The following ATP1A1 variants were observed in gnomAD, a reference collection of about 807,000 sequenced individuals.
The protein encoded by ATP1A1 is ATPase Na+/K+ transporting subunit alpha 1.
Under a neutral mutation model 114.8 loss-of-function variants are expected in ATP1A1, and 14 were observed. That is an observed-to-expected ratio of 0.12 (90% confidence interval 0.08 to 0.19). The LOEUF (loss-of-function observed/expected upper bound fraction) is 0.19, where lower values mean the gene tolerates loss of function less well. ATP1A1 is among the 10% of genes least tolerant of loss of function. The pLI is 1.00. For missense variants in ATP1A1, 524 were observed against 1,290.7 expected, an observed-to-expected ratio of 0.41 and a Z score of 9.10; for synonymous variants, 471 against 466.3, an observed-to-expected ratio of 1.01 and a Z score of -0.13.
chr1:116,385,358 G>A lies in ATP1A1; in HGVS notation c.183+516G>A, dbSNP rs1652015279. 6.3e-6 allele frequency: 1 copy of A among 158,192 alleles called. No homozygotes were observed. The highest frequency in any genetic ancestry group is 1.4e-5 in the Non-Finnish European group (1 of 72,462). The allele number at this position is 158,192 out of a possible 1,614,324, so 9.8% of individuals were successfully genotyped here. On this transcript the variant is annotated intron_variant, in intron 3 of 22. Transcript: ENST00000295598. This position sits in a 1 kb window ranked among gnomAD's most constrained non-coding sequence, Gnocchi z 4.3. ...AACCTTTTCATAAAATAGGCGTTAT[G>A]TATCCTTGTTATGTAGAGGATTTTG...
At chr1:116,396,494 T>C in intron 13 of ATP1A1, 104 bp from the exon 14 acceptor site, 5 of 1,418,420 alleles carry the variant, frequency 3.5e-6, no homozygotes, top group Non-Finnish European at 4.8e-6. Flanking sequence ...CTTTTGATAG[T>C]CTAAGCCGAA....
Position 116,395,931 on chromosome 1 carries a change from TAAGTA to T in ATP1A1, c.1836+650_1836+654del, listed in dbSNP as rs1652878371. On this transcript the variant is annotated intron_variant, in intron 13 of 22. Transcript: ENST00000295598. This position sits in a 1 kb window ranked among gnomAD's most constrained non-coding sequence, Gnocchi z 6.4. ...CACGCCCAGCTAATTTTTGTATTTT[TAAGTA>T]AAGATAGGGTTTCGCCACGTTGGCC... Among the ~76,000 whole-genome samples the T allele has an allele frequency of 6.6e-6, 1 of 152,042 alleles. No homozygotes were observed.
At chr1:116,402,808 C>T (rs1385582653) in intron 21 of ATP1A1, among the ~76,000 whole-genome samples, 1 of 152,200 alleles carries the variant, frequency 6.6e-6, no homozygotes, top group Non-Finnish European at 1.5e-5. Flanking sequence ...TGCACTTGCA[C>T]CTCTTCTCTG....
At chr1:116,375,865 T>C (rs1651334708) in intron 1 of ATP1A1, among the ~76,000 whole-genome samples, 1 of 152,252 alleles carries the variant, frequency 6.6e-6, no homozygotes, top group South Asian at 2.1e-4. Context: ...CTCTCCTCAG[T>C]ACCCTTTGTG....
At position 116,395,549 on chromosome 1, in the gene ATP1A1, G is replaced by A. The variant is rs1447321690; in HGVS notation, c.1836+264G>A. Among the ~76,000 whole-genome samples, 1 of 152,202 alleles carries A rather than the reference G, an allele frequency of 6.6e-6. No individual in the cohort carries two copies. The highest frequency in any genetic ancestry group is 1.5e-5 in the Non-Finnish European group (1 of 68,040). ...GCAAAGTAAAAACAGCAAAAGACTT[G>A]AAGTTTTAAAATACTTGCATTATTC... On this transcript the variant is annotated intron_variant, in intron 13 of 22. Transcript: ENST00000295598. The surrounding 1 kb of genome is among the most constrained non-coding windows in gnomAD (Gnocchi z 6.4).
At position 116,404,711 on chromosome 1, in the gene ATP1A1, A is replaced by G; in HGVS notation, c.*267A>G. 4 of 1,261,450 alleles carry G rather than the reference A, an allele frequency of 3.2e-6. No homozygotes were observed. The highest frequency in any genetic ancestry group is 4.0e-6 in the Non-Finnish European group (4 of 1,006,954). 78.1% of individuals were successfully genotyped at this position (1,261,450 alleles called of 1,614,324 possible). A position where few individuals can be genotyped will look rare whatever the true frequency, so the allele number is the denominator to read the frequency against. On this transcript the variant is annotated 3_prime_UTR_variant, in exon 23 of 23. Transcript: ENST00000295598. This position sits in a 1 kb window ranked among gnomAD's most constrained non-coding sequence, Gnocchi z 4.8. ...GTTTTTGTAAAAAAGGAACACCCGG[A>G]AAGACTGAAAGAATACATTTTATAT... is the stretch of plus-strand genomic sequence containing the variant.
In ATP1A1 at chr1:116,401,459, C is replaced by G; in HGVS notation, c.2850-95C>G. On this transcript the variant is annotated intron_variant, in intron 20 of 22. Coordinates refer to ENST00000295598, the MANE Select transcript of ATP1A1 (RefSeq NM_000701.8). The surrounding 1 kb of genome is among the most constrained non-coding windows in gnomAD (Gnocchi z 4.7). ...TCCAAGTTTTCAAGTACAGCTAATA[C>G]ATAAAGATGTTGATCTGCCATTTTA... 1 of 1,439,780 alleles carries G rather than the reference C, an allele frequency of 6.9e-7. No individual in the cohort carries two copies. The highest frequency in any genetic ancestry group is 9.7e-7 in the Non-Finnish European group (1 of 1,036,152). 89.2% of individuals were successfully genotyped at this position (1,439,780 alleles called of 1,614,324 possible). A position where few individuals can be genotyped will look rare whatever the true frequency, so the allele number is the denominator to read the frequency against.
At chr1:116,386,549 AT>A (rs959338846) in intron 3 of ATP1A1, among the ~76,000 whole-genome samples, 66 of 149,920 alleles carry the variant, frequency 4.4e-4, no homozygotes, top group African/African-American at 5.9e-4. Context: ...AAAATATTTT[AT>A]TTTTTTTTTG....
chr1:116,382,764 G>C (rs1651829475), intron 1 of ATP1A1, among the ~76,000 whole-genome samples: 1 of 152,122 alleles, frequency 6.6e-6, no homozygotes, highest in Non-Finnish European at 1.5e-5. Context: ...TTTCATTTCA[G>C]CACAGTGAAA....
In ATP1A1 at chr1:116,398,997, C is replaced by T. The variant is rs944570753; in HGVS notation, c.2361C>T (p.Ile787=). The T allele has an allele frequency of 6.2e-7, 1 of 1,614,192 alleles. No individual in the cohort carries two copies. Among genetic ancestry groups the T allele is most frequent in the Non-Finnish European group, 8.5e-7 (1 of 1,180,008 alleles). ...AYTLTSNIPE[I]TPFLIFIIAN... ...CCTTAACCAGTAACATTCCCGAGATCACCCCGTTCCTGATATTTATTATTG... is the reference window on the plus strand; with the variant it reads ...CCTTAACCAGTAACATTCCCGAGATTACCCCGTTCCTGATATTTATTATTG... Residue 787 remains isoleucine (I), a synonymous_variant, in exon 17 of 23, where the codon ATC becomes ATT. Coordinates refer to ENST00000295598, the MANE Select transcript of ATP1A1 (RefSeq NM_000701.8). The surrounding 1 kb of genome is among the most constrained non-coding windows in gnomAD (Gnocchi z 6.1).
At chr1:116,392,644 G>A (rs1260089229) in intron 10 of ATP1A1, 4 of 483,918 alleles carry the variant, frequency 8.3e-6, no homozygotes, top group Non-Finnish European at 1.4e-5. Context: ...GGTGGGGAAG[G>A]ACGTTGGGGT....
Position 116,401,471 on chromosome 1 carries a change from G to T in ATP1A1, c.2850-83G>T. 6.8e-7 allele frequency: 1 copy of T among 1,474,230 alleles called. No homozygotes were observed. Among genetic ancestry groups the T allele is most frequent in the Non-Finnish European group, 9.4e-7 (1 of 1,062,878 alleles). 91.3% of individuals were successfully genotyped at this position (1,474,230 alleles called of 1,614,324 possible). On this transcript the variant is annotated intron_variant, in intron 20 of 22. Coordinates refer to ENST00000295598, the MANE Select transcript of ATP1A1 (RefSeq NM_000701.8). This position sits in a 1 kb window ranked among gnomAD's most constrained non-coding sequence, Gnocchi z 4.7. Reference sequence around the variant, plus strand: ...AGTACAGCTAATACATAAAGATGTTGATCTGCCATTTTAATGCATAGCATT... The same window carrying T: ...AGTACAGCTAATACATAAAGATGTTTATCTGCCATTTTAATGCATAGCATT...
rs1652200722 is a variant in ATP1A1 at position 116,387,815 on chromosome 1, C to G, written c.388-316C>G. Among the ~76,000 whole-genome samples the G allele has an allele frequency of 6.6e-6, 1 of 152,182 alleles. No homozygotes were observed. The highest frequency in any genetic ancestry group is 1.5e-5 in the Non-Finnish European group (1 of 68,036). ...ATTCATGTTGGCACATCCACCTGTCCAGAAATGCTTGGTGGCCATTCTTCA... is the reference window on the plus strand; with the variant it reads ...ATTCATGTTGGCACATCCACCTGTCGAGAAATGCTTGGTGGCCATTCTTCA... On this transcript the variant is annotated intron_variant, in intron 4 of 22. Transcript: ENST00000295598. This position sits in a 1 kb window ranked among gnomAD's most constrained non-coding sequence, Gnocchi z 6.7.
In ATP1A1 at chr1:116,395,194, A is replaced by G. The variant is rs1652807006; in HGVS notation, c.1745A>G (p.Asn582Ser). The stretch of plus-strand genomic sequence containing the variant: ...GACGATGTGAATTTCCCTATCGATA[A>G]TCTGTGCTTTGTTGGGCTCATCTCC... ...DTDDVNFPID[N>S]LCFVGLISMI... The change falls in exon 13 of 23, where the codon AAT becomes AGT. Residue 582 changes from asparagine (N) to serine (S), a missense_variant. By Grantham distance (46) the Asn-to-Ser change is conservative. This residue lies in a region of ATP1A1 where 143 missense variants were observed against 259.3 expected (regional missense o/e 0.55). Coordinates refer to ENST00000295598, the MANE Select transcript of ATP1A1 (RefSeq NM_000701.8). The surrounding 1 kb of genome is among the most constrained non-coding windows in gnomAD (Gnocchi z 6.4). 2 of 1,614,050 alleles carry G rather than the reference A, an allele frequency of 1.2e-6. No individual in the cohort carries two copies. The highest frequency in any genetic ancestry group is 1.7e-6 in the Non-Finnish European group (2 of 1,179,988).
rs1402941379 is a variant in ATP1A1 at position 116,387,530 on chromosome 1, A to T, written c.387+39A>T. The T allele has an allele frequency of 1.9e-6, 3 of 1,599,822 alleles. No individual in the cohort carries two copies. The highest frequency in any genetic ancestry group is 2.6e-6 in the Non-Finnish European group (3 of 1,167,918). On this transcript the variant is annotated intron_variant, in intron 4 of 22. Coordinates refer to ENST00000295598, the MANE Select transcript of ATP1A1 (RefSeq NM_000701.8). This position sits in a 1 kb window ranked among gnomAD's most constrained non-coding sequence, Gnocchi z 6.7. ...TTCAGCATATGGATTTGTAGTACAC[A>T]TCAGATATCTTCTCCGTCTTTGTCT...
chr1:116,399,407 C>G lies in ATP1A1; in HGVS notation c.2449-13C>G. 6.2e-7 allele frequency: 1 copy of G among 1,613,340 alleles called. No individual in the cohort carries two copies. Among genetic ancestry groups the G allele is most frequent in the Non-Finnish European group, 8.5e-7 (1 of 1,179,688 alleles). On this transcript the variant is annotated splice_polypyrimidine_tract_variant and intron_variant, in intron 17 of 22. Coordinates refer to ENST00000295598, the MANE Select transcript of ATP1A1 (RefSeq NM_000701.8). The surrounding 1 kb of genome is among the most constrained non-coding windows in gnomAD (Gnocchi z 5.0). Reference sequence around the variant, plus strand: ...TTTTAGTAACTAAATTCCTTCTCCCCACCCCTTCCCAGGTTCCTGCCATCT... The same window carrying G: ...TTTTAGTAACTAAATTCCTTCTCCCGACCCCTTCCCAGGTTCCTGCCATCT...
At chr1:116,392,719 C>G in intron 10 of ATP1A1, 135 bp from the exon 11 acceptor site, 2 of 1,087,248 alleles carry the variant, frequency 1.8e-6, no homozygotes, top group South Asian at 3.2e-5. Flanking sequence ...CACTTAACAC[C>G]GCTGCTTCCT....
At chr1:116,373,872 C>T (rs1651167334) in intron 1 of ATP1A1, 18 of 1,241,666 alleles carry the variant, frequency 1.4e-5, no homozygotes, top group Middle Eastern at 6.3e-4. Flanking sequence ...CTTGCAGCAG[C>T]GGGGGCGGCC....
At chr1:116,379,255 A>G (rs1651581367) in intron 1 of ATP1A1, among the ~76,000 whole-genome samples, 1 of 152,152 alleles carries the variant, frequency 6.6e-6, no homozygotes, top group Non-Finnish European at 1.5e-5. Flanking sequence ...GATATACTAA[A>G]CTGGGCTCAC....
Sources: allele counts gnomAD v4.1 joint callset (sites outside exome capture counted in the v4.1 genomes callset), GRCh38; gene constraint gnomAD v4.1.1; regional missense constraint gnomAD v4.1.1; non-coding constraint Gnocchi (gnomAD v3.1); transcripts MANE v1.5; gene names NCBI Gene and HGNC (gene_info 2026-07-23, HGNC 2026-07-21).